AMOTL1: variants seen among roughly 807,000 people sequenced by gnomAD.
AMOTL1 encodes the protein angiomotin-like protein 1.
A neutral mutation model predicts 102.9 loss-of-function variants in AMOTL1; 45 were observed. That is an observed-to-expected ratio of 0.44 (90% CI 0.34 to 0.56). The LOEUF is 0.56. Ranked by LOEUF, AMOTL1 falls within the 20% of genes least tolerant of loss-of-function variation. AMOTL1 has a pLI of 0.01. For missense variants in AMOTL1, 1,114 were observed against 1,225.6 expected (o/e 0.91, Z 1.36); for synonymous variants, 481 against 484.7 (o/e 0.99, Z 0.10).
At chr11:94,755,730 G>T (rs1250568453) in intron 3 of AMOTL1, among the ~76,000 whole-genome samples, 4 of 152,026 alleles carry the variant, frequency 2.6e-5, no homozygotes, top group African/African-American at 9.7e-5. Flanking sequence ...CAGGTTGTGG[G>T]GAGCGTTTTT....
intron 3 of AMOTL1, among the ~76,000 whole-genome samples, chr11:94,748,307 C>T (rs1950612305): frequency 6.6e-6 from 1 of 152,312 alleles, no homozygotes; most frequent in South Asian, 2.1e-4. Context: ...CTATCACATC[C>T]GCATTCTAGT....
chr11:94,852,715 A>G (rs529105913), intron 7 of AMOTL1, among the ~76,000 whole-genome samples: 4 of 152,330 alleles, frequency 2.6e-5, no homozygotes, highest in East Asian at 1.9e-4. Flanking sequence ...GTGTTGTTGA[A>G]TATTCACTGT....
upstream of AMOTL1, among the ~76,000 whole-genome samples, chr11:94,766,588 T>C (rs575376462): frequency 1.3e-5 from 2 of 152,356 alleles, no homozygotes; most frequent in African/African-American, 4.8e-5. Context: ...ATCCATCACT[T>C]CTTCCCCAAT....
chr11:94,760,027 G>A (rs1013200851), intron 3 of AMOTL1, among the ~76,000 whole-genome samples: 1 of 152,204 alleles, frequency 6.6e-6, no homozygotes, highest in African/African-American at 2.4e-5. Flanking sequence ...CTGGAGCGGG[G>A]CCCTGCAATC....
Position 94,726,392 on chromosome 11 carries a change from C to T in AMOTL1, c.-50-2529C>T, listed in dbSNP as rs184166377. Among the ~76,000 whole-genome samples, 27 of 152,218 alleles carry T rather than the reference C, an allele frequency of 1.8e-4. 1 individual carries two copies. The Middle Eastern group carries it at 0.01, about 58-fold the overall frequency. ...TCAATCAACCAATATTTATGAAGTG[C>T]CAATTATGTATTCATAGTATTCCAG... On this transcript the variant is annotated intron_variant, in intron 1 of 4. Transcript: ENST00000299004.
At chr11:94,796,872 A>G (rs911965616) in intron 2 of AMOTL1, 1 of 477,234 alleles carries the variant, frequency 2.1e-6, no homozygotes, top group Admixed American at 6.4e-5. Flanking sequence ...ATGTCTATTT[A>G]CATACACATA....
At chr11:94,817,406 A>G (rs1164786264) in intron 3 of AMOTL1, among the ~76,000 whole-genome samples, 1 of 152,222 alleles carries the variant, frequency 6.6e-6, no homozygotes, top group Admixed American at 6.5e-5. Context: ...CAAAAAAGAC[A>G]TATTCAGCTT....
At chr11:94,710,391 G>A (rs1377179236) in intron 1 of AMOTL1, among the ~76,000 whole-genome samples, 2 of 152,158 alleles carry the variant, frequency 1.3e-5, no homozygotes, top group African/African-American at 4.8e-5. Flanking sequence ...TTTTCTAGTT[G>A]CTGACCTTGG....
intron 6 of AMOTL1, among the ~76,000 whole-genome samples, chr11:94,840,338 T>C (rs944761686): frequency 1.3e-5 from 2 of 152,192 alleles, no homozygotes; most frequent in African/African-American, 4.8e-5. Context: ...CCAGAAAATT[T>C]GGTCGTAGAC....
intron 1 of AMOTL1, among the ~76,000 whole-genome samples, chr11:94,790,747 T>C (rs1290983909): frequency 6.6e-6 from 1 of 152,166 alleles, no homozygotes; most frequent in East Asian, 1.9e-4. Flanking sequence ...TTGTGTGTAT[T>C]GTATGATAGC....
intron 2 of AMOTL1, among the ~76,000 whole-genome samples, chr11:94,734,299 C>T (rs931553791): frequency 5.9e-5 from 9 of 152,044 alleles, no homozygotes; most frequent in East Asian, 1.9e-4. Flanking sequence ...CTGGAAATTA[C>T]GAAACAAAGT....
chr11:94,854,848 T>C (rs1300150852), intron 8 of AMOTL1, among the ~76,000 whole-genome samples: 1 of 152,126 alleles, frequency 6.6e-6, no homozygotes, highest in Non-Finnish European at 1.5e-5. Context: ...GGAAGGGATG[T>C]AAGACCATCC....
chr11:94,838,865 A>T (rs1565375263), intron 6 of AMOTL1, among the ~76,000 whole-genome samples: 1 of 152,118 alleles, frequency 6.6e-6, no homozygotes. Flanking sequence ...GAGGATTCAC[A>T]ATTAGCTAAT....
At chr11:94,727,060 C>A (rs1950272599) in intron 1 of AMOTL1, among the ~76,000 whole-genome samples, 2 of 152,090 alleles carry the variant, frequency 1.3e-5, no homozygotes, top group African/African-American at 4.8e-5. Context: ...TATCATCTTG[C>A]AAATCTGTTT....
chr11:94,815,573 T>C (rs1951751240), intron 3 of AMOTL1, among the ~76,000 whole-genome samples: 1 of 152,128 alleles, frequency 6.6e-6, no homozygotes, highest in Non-Finnish European at 1.5e-5. Flanking sequence ...AATGTCTGGG[T>C]CATTTCCAAT....
intron 9 of AMOTL1, among the ~76,000 whole-genome samples, chr11:94,864,251 A>AATG (rs1382403749): frequency 4.8e-5 from 3 of 62,942 alleles, no homozygotes; most frequent in Non-Finnish European, 1.0e-4. Context: ...CAACAAATAC[A>AATG]ATAATAATAA....
At chr11:94,721,558 C>G (rs1256285699) in intron 1 of AMOTL1, among the ~76,000 whole-genome samples, 1 of 152,006 alleles carries the variant, frequency 6.6e-6, no homozygotes, top group African/African-American at 2.4e-5. Flanking sequence ...CTTATAAGAA[C>G]TAGGAGAGTC....
intron 1 of AMOTL1, among the ~76,000 whole-genome samples, chr11:94,773,979 G>C (rs1950989884): frequency 2.0e-5 from 3 of 152,208 alleles, no homozygotes; most frequent in Admixed American, 2.0e-4. Flanking sequence ...ACATGCTGAA[G>C]CCTCATGAGT....
chr11:94,768,697 G>C (rs1261055136), intron 1 of AMOTL1, 137 bp downstream of exon 1: 2 of 1,334,762 alleles, frequency 1.5e-6, no homozygotes, highest in South Asian at 1.4e-5. Context: ...TGAGATCCCA[G>C]ATTGTTGTTT....
Sources: allele counts gnomAD v4.1 joint callset (sites outside exome capture counted in the v4.1 genomes callset), GRCh38; gene constraint gnomAD v4.1.1; transcripts MANE v1.5; gene names NCBI Gene and HGNC (gene_info 2026-07-23, HGNC 2026-07-21).